Variants in CSPG4 observed in about 807,000 individuals in gnomAD.
The protein encoded by CSPG4 is chondroitin sulfate proteoglycan 4.
CSPG4 carries 74 observed loss-of-function variants against 139.3 expected under a neutral mutation model. The observed-to-expected ratio is 0.53, with a 90% confidence interval of 0.44 to 0.64. The LOEUF (loss-of-function observed/expected upper bound fraction) is 0.64. CSPG4 is among the 30% of genes least tolerant of loss of function. CSPG4 has a pLI of 0.00. For missense variants in CSPG4, 2,565 were observed against 3,148.3 expected (o/e 0.81, Z 4.43); for synonymous variants, 1,234 against 1,394.2 (o/e 0.89, Z 2.56).
chr15:75,690,574 C>G lies in CSPG4; in HGVS notation c.491G>C (p.Arg164Pro), dbSNP rs571064632. 1.2e-6 allele frequency: 2 copies of G among 1,607,820 alleles called. No individual in the cohort carries two copies. Among genetic ancestry groups the G allele is most frequent in the Admixed American group, 3.4e-5 (2 of 59,666 alleles). Residue 164 changes from arginine (R) to proline (P), a missense_variant, in exon 3 of 10, where the codon CGA (arginine) becomes CCA (proline). Around this residue, in one of 5 missense-constraint regions of CSPG4, gnomAD observed 132 missense variants for 132.3 expected, o/e 1.00. Transcript: ENST00000308508. ...LGLPYLRGTS[R>P]PLRGCLHAAT... ...TGCATGGAGGCAACCCCTCAGGGGT[C>G]GGCTGGTTCCCCTCAGGTAGGGCAG... is the stretch of plus-strand genomic sequence containing the variant.
rs1596005293 is a variant in CSPG4, at chr15:75,677,138, T to C, written c.5381A>G (p.Gln1794Arg). 7.1e-7 allele frequency: 1 copy of C among 1,416,442 alleles called. No homozygotes were observed. Among genetic ancestry groups the C allele is most frequent in the Non-Finnish European group, 9.2e-7 (1 of 1,082,028 alleles). 87.7% of individuals were successfully genotyped at this position (1,416,442 alleles called of 1,614,324 possible). ...GGCACGAAAGTGGAAGCCATCCTGC[T>C]GGGTGCCCCCACCGCCGTGGGCATA... ...LVYAHGGGGT[Q>R]QDGFHFRAHL... Residue 1794 changes from glutamine to arginine, a missense_variant, in exon 10 of 10, where the codon CAG (glutamine) becomes CGG (arginine). Coordinates refer to ENST00000308508, the MANE Select transcript of CSPG4 (RefSeq NM_001897.5).
intron 2 of CSPG4, among the ~76,000 whole-genome samples, chr15:75,692,489 C>T (rs1894177790): frequency 6.6e-6 from 1 of 152,188 alleles, no homozygotes; most frequent in Non-Finnish European, 1.5e-5. Context: ...TCAAAAAAGC[C>T]ACAAGACTCC....
chr15:75,684,035 A>AC (rs372150481), intron 5 of CSPG4, among the ~76,000 whole-genome samples: 2 of 64,560 alleles, frequency 3.1e-5, no homozygotes, highest in African/African-American at 5.7e-5. Flanking sequence ...CCCCGCCCCC[A>AC]CCCCCGCCCC....
rs746778965 is a variant in CSPG4 at position 75,687,746 on chromosome 15, C to T, written c.3319G>A (p.Val1107Met). Residue 1107 changes from valine to methionine, a missense_variant, in exon 3 of 10, where the codon GTG becomes ATG. Around this residue, in one of 5 missense-constraint regions of CSPG4, gnomAD observed 2,316 missense variants for 2,818.2 expected, o/e 0.82. Transcript: ENST00000308508. This position sits in a 1 kb window ranked among gnomAD's most constrained non-coding sequence, Gnocchi z 5.4. ...GTGGCCTGGTGTTGCCCGTCGGACACCTGCAGCTGGATCCAGCCACGGTCA... is the reference window on the plus strand; with the variant it reads ...GTGGCCTGGTGTTGCCCGTCGGACATCTGCAGCTGGATCCAGCCACGGTCA... ...GADRGWIQLQ[V>M]SDGQHQATAL... The T allele has an allele frequency of 9.9e-6, 16 of 1,612,818 alleles. No homozygotes were observed. Among genetic ancestry groups the T allele is most frequent in the Non-Finnish European group, 1.3e-5 (15 of 1,180,016 alleles).
At chr15:75,683,095 C>T in intron 5 of CSPG4, 54 bp from the exon 6 acceptor site, 2 of 1,542,664 alleles carry the variant, frequency 1.3e-6, no homozygotes, top group African/African-American at 2.7e-5. Context: ...CCACCCCTTC[C>T]TCCCCGGCCC....
intron 1 of CSPG4, among the ~76,000 whole-genome samples, chr15:75,705,149 C>T (rs1225514643): frequency 6.6e-6 from 1 of 152,206 alleles, no homozygotes; most frequent in African/African-American, 2.4e-5. Context: ...CAGGCAGGGG[C>T]TGTCCCCACT....
Position 75,676,058 on chromosome 15 carries a change from G to A in CSPG4, c.6461C>T (p.Ala2154Val). The A allele has an allele frequency of 6.5e-7, 1 of 1,538,402 alleles. No individual in the cohort carries two copies. Among genetic ancestry groups the A allele is most frequent in the African/African-American group, 1.4e-5 (1 of 73,596 alleles). ...AGTGGCAAAGTCCAGGGAGGCCACAGCAGGCGGGACGCCCTGTGCCCACAG... is the reference window on the plus strand; with the variant it reads ...AGTGGCAAAGTCCAGGGAGGCCACAACAGGCGGGACGCCCTGTGCCCACAG... ...LELWAQGVPP[A>V]VASLDFATEP... is the part of the protein sequence containing the mutation. The change falls in exon 10 of 10, where the codon GCT becomes GTT. Residue 2154 changes from alanine to valine, a missense_variant. Physicochemically the swap from Ala to Val is moderately conservative, Grantham distance 64. Transcript: ENST00000308508.
chr15:75,688,893 C>T lies in CSPG4; in HGVS notation c.2172G>A (p.Glu724=), dbSNP rs375177732. Reference sequence around the variant, plus strand: ...GGTGGAACGCCTGTGTGGCCCACCACTCAGCACCCTCCACCCCACCTGCCC... The same window carrying T: ...GGTGGAACGCCTGTGTGGCCCACCATTCAGCACCCTCCACCCCACCTGCCC... ...KQGAGGVEGA[E]WWATQAFHQR... Residue 724 remains glutamate, a synonymous_variant, in exon 3 of 10, where the codon GAG becomes GAA. Coordinates refer to ENST00000308508, the MANE Select transcript of CSPG4 (RefSeq NM_001897.5). The T allele has an allele frequency of 5.2e-5, 84 of 1,612,144 alleles. No individual in the cohort carries two copies. In the African/African-American group the frequency reaches 9.5e-4, roughly 18 times the overall value.
Position 75,695,937 on chromosome 15 carries a change from G to C in CSPG4, c.89-2704C>G, listed in dbSNP as rs538414877. Among the ~76,000 whole-genome samples the C allele has an allele frequency of 4.8e-4, 73 of 152,198 alleles. 4 individuals carry two copies. The highest frequency in any genetic ancestry group is 1.3e-4 in the Non-Finnish European group (9 of 68,034). ...TGAAGGAAGAGAAGTAGAGGGAAAAGTAGAATGGGTCAAGCTAGGCTCGGC... is the reference window on the plus strand; with the variant it reads ...TGAAGGAAGAGAAGTAGAGGGAAAACTAGAATGGGTCAAGCTAGGCTCGGC... On this transcript the variant is annotated intron_variant, in intron 1 of 9. Transcript: ENST00000308508.
intron 9 of CSPG4, 93 bp from the exon 10 acceptor site, chr15:75,677,477 C>A (rs963780629): frequency 7.6e-7 from 1 of 1,323,426 alleles, no homozygotes. Flanking sequence ...GGATGTGCCT[C>A]CCCCCAACCA....
Position 75,677,303 on chromosome 15 carries a change from G to T in CSPG4, c.5216C>A (p.Ser1739Ter). The change falls in exon 10 of 10, where the codon TCA (serine) becomes TAA (stop). Residue 1739 changes from serine to a stop codon, truncating the protein, a stop_gained. Transcript: ENST00000308508. LOFTEE classifies it low-confidence loss of function (END_TRUNC). The stretch of plus-strand genomic sequence containing the variant: ...CACATCATGCTCTGAGCGCTGGGGT[G>T]ATGGAACGCTGGCCAAGAGATTGGA... ...DASNLLASVP[S>*]PQRSEHDVLF... 6.9e-7 allele frequency: 1 copy of T among 1,443,454 alleles called. No homozygotes were observed. Among genetic ancestry groups the T allele is most frequent in the Non-Finnish European group, 9.1e-7 (1 of 1,094,022 alleles). 89.4% of individuals were successfully genotyped at this position (1,443,454 alleles called of 1,614,324 possible).
At chr15:75,705,716 G>C (rs1225673941) in intron 1 of CSPG4, among the ~76,000 whole-genome samples, 1 of 152,208 alleles carries the variant, frequency 6.6e-6, no homozygotes, top group Non-Finnish European at 1.5e-5. Context: ...ACTCAGAGGA[G>C]GGAGAGATGG....
At position 75,689,708 on chromosome 15, in the gene CSPG4, G is replaced by A. The variant is rs774300874; in HGVS notation, c.1357C>T (p.Gln453Ter). The A allele has an allele frequency of 1.9e-6, 3 of 1,612,860 alleles. No homozygotes were observed. In the South Asian group the frequency reaches 3.3e-5, roughly 18 times the overall value. ...GTAWLEWRHVQPTLDLMEAEL... is the reference protein window; with the variant it reads ...GTAWLEWRHV ...GCCTCCATCAGGTCCAGCGTGGGCT[G>A]CACATGCCTCCACTCAAGCCAGGCT... Residue 453 changes from glutamine (Q) to a stop codon, truncating the protein, a stop_gained, in exon 3 of 10, where the codon CAG becomes TAG. Coordinates refer to ENST00000308508, the MANE Select transcript of CSPG4 (RefSeq NM_001897.5). LOFTEE classifies it high-confidence loss of function.
Position 75,686,309 on chromosome 15 carries a change from C to T in CSPG4, c.3790-608G>A, listed in dbSNP as rs965815237. ...CACACAGGCCCCCCTGCTCAGGATC[C>T]GTTCAGGCCTGTGGCTGGTTTGCAG... On this transcript the variant is annotated intron_variant, in intron 3 of 9. Transcript: ENST00000308508. Among the ~76,000 whole-genome samples the T allele has an allele frequency of 3.3e-4, 51 of 152,318 alleles. No homozygotes were observed. In the South Asian group the frequency reaches 6.0e-3, roughly 18 times the overall value.
chr15:75,704,512 T>C (rs1307783617), intron 1 of CSPG4, among the ~76,000 whole-genome samples: 2 of 152,078 alleles, frequency 1.3e-5, no homozygotes, highest in Admixed American at 6.5e-5. Flanking sequence ...CTGGATTCCA[T>C]TAAAACATGT....
In CSPG4 at chr15:75,688,314, G is replaced by C. The variant is rs143857519; in HGVS notation, c.2751C>G (p.Leu917=). The C allele has an allele frequency of 2.4e-5, 39 of 1,613,122 alleles. No individual in the cohort carries two copies. The African/African-American group carries it at 3.3e-4, about 14-fold the overall frequency. The part of the protein sequence containing the change: ...LVVPEGGEGV[L]SADHLFVKSL... ...TCTTGACAAAGAGGTGGTCAGCAGA[G>C]AGGACACCCTCACCACCCTCAGGCA... The change falls in exon 3 of 10, where the codon CTC becomes CTG. Residue 917 remains leucine, a synonymous_variant. Transcript: ENST00000308508.
rs1474020894 is a variant in CSPG4 at position 75,687,374 on chromosome 15, C to T, written c.3691G>A (p.Ala1231Thr). The T allele has an allele frequency of 6.2e-7, 1 of 1,612,974 alleles. No individual in the cohort carries two copies. Among genetic ancestry groups the T allele is most frequent in the Admixed American group, 1.7e-5 (1 of 60,020 alleles). Residue 1231 changes from alanine to threonine, a missense_variant, in exon 3 of 10, where the codon GCC becomes ACC. Coordinates refer to ENST00000308508, the MANE Select transcript of CSPG4 (RefSeq NM_001897.5). The surrounding 1 kb of genome is among the most constrained non-coding windows in gnomAD (Gnocchi z 5.4). ...HTDATLQVTI[A>T]LEGPLAPLKL... Reference sequence around the variant, plus strand: ...AGTGGGGCCAGTGGGCCCTCTAGGGCAATGGTCACTTGTAGGGTGGCATCC... The same window carrying T: ...AGTGGGGCCAGTGGGCCCTCTAGGGTAATGGTCACTTGTAGGGTGGCATCC...
At chr15:75,700,641 G>A (rs890797404) in intron 1 of CSPG4, among the ~76,000 whole-genome samples, 4 of 152,146 alleles carry the variant, frequency 2.6e-5, no homozygotes, top group Middle Eastern at 3.2e-3. Context: ...TCTCTCCTGG[G>A]CTGTGTCCAG....
Position 75,688,236 on chromosome 15 carries a change from C to A in CSPG4, c.2829G>T (p.Gly943=). 1 of 1,613,004 alleles carries A rather than the reference C, an allele frequency of 6.2e-7. No individual in the cohort carries two copies. Reference sequence around the variant, plus strand: ...CCTGTGTCCCACGCCAAGCCAACCTCCCATGGCGGGGCCGCTCCATGACCT... The same window carrying A: ...CCTGTGTCCCACGCCAAGCCAACCTACCATGGCGGGGCCGCTCCATGACCT... The part of the protein sequence containing the change: ...LYEVMERPRH[G]RLAWRGTQDK... Residue 943 remains glycine, a synonymous_variant, in exon 3 of 10, where the codon GGG becomes GGT. Coordinates refer to ENST00000308508, the MANE Select transcript of CSPG4 (RefSeq NM_001897.5).
Sources: gnomAD v4.1 joint callset for allele counts (sites outside exome capture counted in the v4.1 genomes callset) on GRCh38, gnomAD v4.1.1 for gene constraint, gnomAD v4.1.1 regional missense constraint, Gnocchi (gnomAD v3.1) non-coding constraint, MANE v1.5 for transcripts, NCBI Gene and HGNC (gene_info 2026-07-23, HGNC 2026-07-21) for gene names.